The following DUSP22 variants were observed in gnomAD, a reference collection of about 807,000 sequenced individuals.
DUSP22 encodes the protein dual specificity phosphatase 22.
In DUSP22, 24 loss-of-function variants were observed where a neutral mutation model predicts 24.5. The ratio of observed to expected loss-of-function variants is 0.98; its 90% CI spans 0.71 to 1.38. DUSP22 has a LOEUF of 1.38. Among genes scored for constraint, DUSP22 ranks in the 40% most tolerant of loss-of-function variants. The pLI, the probability that DUSP22 is intolerant of heterozygous loss-of-function variation, is 0.00. For synonymous variants in DUSP22, 160 were observed against 106.4 expected, an observed-to-expected ratio of 1.50 and a Z score of -3.10; for missense variants, 330 against 269.2, an observed-to-expected ratio of 1.23 and a Z score of -1.58.
At chr6:344,987 G>T (rs1179661362) in intron 4 of DUSP22, among the ~76,000 whole-genome samples, 3 of 152,304 alleles carry the variant, frequency 2.0e-5, no homozygotes, top group African/African-American at 7.2e-5. Flanking sequence ...AACATGGGGG[G>T]CGCCGTCCAG....
At chr6:344,400 C>T (rs112310920) in intron 4 of DUSP22, among the ~76,000 whole-genome samples, 1,761 of 151,728 alleles carry the variant, frequency 0.012, no homozygotes, top group African/African-American at 0.041. Context: ...ATCCTCCCAC[C>T]TCGGCCTCCC....
At chr6:304,763 G>T (rs1757745555) in intron 2 of DUSP22, 102 bp downstream of exon 2, 2 of 1,488,904 alleles carry the variant, frequency 1.3e-6, no homozygotes, top group Non-Finnish European at 9.4e-7. Context: ...TAAGTAATTT[G>T]CATTGCTGTG....
intron 1 of DUSP22, among the ~76,000 whole-genome samples, chr6:298,526 C>G (rs983208253): frequency 1.3e-5 from 2 of 152,304 alleles, no homozygotes; most frequent in Non-Finnish European, 2.9e-5. Context: ...AAAATATTTC[C>G]TGCCTTAGAA....
At chr6:346,060 G>T in intron 5 of DUSP22, 132 bp downstream of exon 5, 1 of 1,154,784 alleles carries the variant, frequency 8.7e-7, no homozygotes, top group Non-Finnish European at 1.3e-6. Context: ...TCTCAAACGC[G>T]TGCTCCATTT....
intron 4 of DUSP22, among the ~76,000 whole-genome samples, chr6:341,901 C>T (rs1215353178): frequency 6.6e-6 from 1 of 152,304 alleles, no homozygotes; most frequent in African/African-American, 2.4e-5. Context: ...AGGCTGAGCA[C>T]ACTCCCCTCT....
chr6:328,726 A>G (rs1759002377), intron 3 of DUSP22, among the ~76,000 whole-genome samples: 1 of 152,308 alleles, frequency 6.6e-6, no homozygotes, highest in South Asian at 2.1e-4. Flanking sequence ...TGGACTTAAA[A>G]CATGAATAAT....
At chr6:309,221 A>G (rs2127396054) in intron 2 of DUSP22, among the ~76,000 whole-genome samples, 1 of 152,414 alleles carries the variant, frequency 6.6e-6, no homozygotes, top group Non-Finnish European at 1.5e-5. Context: ...CTTTGAGGTA[A>G]CTATTTATTT....
intron 4 of DUSP22, among the ~76,000 whole-genome samples, chr6:338,343 G>A (rs1185737162): frequency 6.6e-6 from 1 of 152,302 alleles, no homozygotes; most frequent in Non-Finnish European, 1.5e-5. Context: ...TGTTACAAGT[G>A]TTCTACTGGA....
intron 2 of DUSP22, among the ~76,000 whole-genome samples, chr6:309,679 A>AACACACACACACACACAC (rs759885887): frequency 1.8e-4 from 25 of 138,520 alleles, no homozygotes; most frequent in East Asian, 6.3e-4. Flanking sequence ...ACTCATGTAG[A>AACACACACACACACACAC]ACACACACAC....
In DUSP22 at chr6:330,251, G is replaced by C. The variant is rs1375353262; in HGVS notation, c.139-4863G>C. Among the ~76,000 whole-genome samples, 7 of 152,412 alleles carry C rather than the reference G, an allele frequency of 4.6e-5. No homozygotes were observed. In the East Asian group the frequency reaches 1.3e-3, roughly 29 times the overall value. On this transcript the variant is annotated intron_variant, in intron 3 of 6. Transcript: ENST00000419235. ...TGACGTTTCCATTGCGTGGTTTCCT[G>C]ATCCTGGCCCTTAGGAACTTGCTCT...
At chr6:348,590 G>A (rs1246796420) in intron 6 of DUSP22, 179 bp from the exon 7 acceptor site, 59 of 1,090,076 alleles carry the variant, frequency 5.4e-5, no homozygotes, top group Non-Finnish European at 7.3e-5. Context: ...CCTTGAAGGA[G>A]CAGTTCCTTC....
chr6:313,847 G>T (rs1258792285), intron 3 of DUSP22, among the ~76,000 whole-genome samples: 1 of 152,302 alleles, frequency 6.6e-6, no homozygotes. Flanking sequence ...TGCACAGTGG[G>T]GAAAAGTGAG....
chr6:300,379 G>A (rs923353766), intron 1 of DUSP22, among the ~76,000 whole-genome samples: 5 of 152,288 alleles, frequency 3.3e-5, no homozygotes, highest in Admixed American at 6.5e-5. Context: ...AAAGCTACAC[G>A]GAGCCCTAAG....
At position 320,834 on chromosome 6, in the gene DUSP22, T is replaced by C. The variant is rs1473737223; in HGVS notation, c.138+8872T>C. On this transcript the variant is annotated intron_variant, in intron 3 of 6. Transcript: ENST00000419235. The stretch of plus-strand genomic sequence containing the variant: ...GTCAGTACGGGTGAGGGTGGTGCTG[T>C]CTTCAGTTCTCCTTTTGGCTACGTT... Among the ~76,000 whole-genome samples the C allele has an allele frequency of 3.3e-5, 5 of 152,414 alleles. No homozygotes were observed. In the South Asian group the frequency reaches 6.2e-4, roughly 19 times the overall value.
At chr6:337,737 G>T (rs572595651) in intron 4 of DUSP22, among the ~76,000 whole-genome samples, 1 of 152,302 alleles carries the variant, frequency 6.6e-6, no homozygotes, top group African/African-American at 2.4e-5. Context: ...AATAGTGAAC[G>T]TTTTACTCTT....
chr6:341,950 G>A (rs1057158720), intron 4 of DUSP22, among the ~76,000 whole-genome samples: 4 of 151,838 alleles, frequency 2.6e-5, no homozygotes, highest in Non-Finnish European at 5.9e-5. Context: ...CTTGAACCCA[G>A]GTTCAACCCC....
At chr6:303,418 C>G (rs1204968059) in intron 1 of DUSP22, among the ~76,000 whole-genome samples, 1 of 152,298 alleles carries the variant, frequency 6.6e-6, no homozygotes, top group African/African-American at 2.4e-5. Flanking sequence ...TGACATGAGC[C>G]ACAATAGATC....
At chr6:299,093 A>G (rs1213981294) in intron 1 of DUSP22, among the ~76,000 whole-genome samples, 1 of 152,306 alleles carries the variant, frequency 6.6e-6, no homozygotes, top group African/African-American at 2.4e-5. Context: ...CTTAGCACCA[A>G]TTCTGTGCTT....
intron 2 of DUSP22, among the ~76,000 whole-genome samples, chr6:305,321 C>T (rs1757773058): frequency 6.6e-6 from 1 of 152,310 alleles, no homozygotes; most frequent in African/African-American, 2.4e-5. Flanking sequence ...TGCCCTGGTT[C>T]TCCTTTGAAC....
Sources: allele counts gnomAD v4.1 joint callset (sites outside exome capture counted in the v4.1 genomes callset), GRCh38; gene constraint gnomAD v4.1.1; transcripts MANE v1.5; gene names NCBI Gene and HGNC (gene_info 2026-07-23, HGNC 2026-07-21).